Variants in RANBP2 observed in about 807,000 individuals in gnomAD.
RANBP2 encodes the protein RAN binding protein 2.
A neutral mutation model predicts 303.6 loss-of-function variants in RANBP2; 57 were observed. The ratio of observed to expected loss-of-function variants is 0.19; its 90% CI spans 0.15 to 0.23. The LOEUF is 0.23. RANBP2 is among the 10% of genes least tolerant of loss of function. The probability of loss-of-function intolerance (pLI) is 1.00; values close to 1 mark genes in which losing one functional copy is unlikely to be tolerated. For synonymous variants in RANBP2, 1,167 were observed against 1,301.5 expected, an observed-to-expected ratio of 0.90 and a Z score of 2.23; for missense variants, 3,138 against 3,780.8, an observed-to-expected ratio of 0.83 and a Z score of 4.46.
intron 6 of RANBP2, among the ~76,000 whole-genome samples, chr2:108,739,998 AAGGC>A (rs1389434165): frequency 2.0e-5 from 3 of 152,204 alleles, no homozygotes; most frequent in Non-Finnish European, 4.4e-5. Context: ...AAAAAAAAAA[AAGGC>A]AGACTATTTT....
At chr2:108,923,338 C>T in the RANBP2 span, 1 of 1,605,206 alleles carries the variant, frequency 6.2e-7, no homozygotes, top group South Asian at 1.1e-5. Flanking sequence ...TGAACAAATA[C>T]CGTGCTGGTG....
the RANBP2 span, among the ~76,000 whole-genome samples, chr2:108,914,023 G>A: frequency 6.6e-6 from 1 of 151,816 alleles, no homozygotes; most frequent in Non-Finnish European, 1.5e-5. Flanking sequence ...CACTTTGGGA[G>A]GCCAAGGTGG....
At chr2:109,025,995 A>C in the RANBP2 span, among the ~76,000 whole-genome samples, 1 of 152,072 alleles carries the variant, frequency 6.6e-6, no homozygotes, top group Non-Finnish European at 1.5e-5. Flanking sequence ...ATCCTCACCA[A>C]GGCCTGCCCT....
At chr2:108,965,175 A>G in the RANBP2 span, among the ~76,000 whole-genome samples, 4 of 152,110 alleles carry the variant, frequency 2.6e-5, no homozygotes, top group Admixed American at 6.5e-5. Context: ...TCATGATTAT[A>G]TCTTTTAATG....
chr2:109,343,215 T>C, the RANBP2 span, among the ~76,000 whole-genome samples: 1 of 152,172 alleles, frequency 6.6e-6, no homozygotes, highest in Admixed American at 6.5e-5. Context: ...GCCCCTTCCA[T>C]GGACTAATTA....
the RANBP2 span, among the ~76,000 whole-genome samples, chr2:109,660,209 G>T: frequency 1.3e-5 from 2 of 152,236 alleles, no homozygotes; most frequent in Middle Eastern, 3.4e-3. Flanking sequence ...GTTGGGCCAA[G>T]TCTTCATGTA....
the RANBP2 span, among the ~76,000 whole-genome samples, chr2:109,767,235 G>T: frequency 6.8e-6 from 1 of 147,030 alleles, no homozygotes; most frequent in African/African-American, 2.5e-5. Flanking sequence ...GCCGCATAAG[G>T]TCAGATTCAG....
chr2:108,923,261 G>C, the RANBP2 span: 1 of 1,097,186 alleles, frequency 9.1e-7, no homozygotes, highest in Non-Finnish European at 1.4e-6. Context: ...CTGTTACTGT[G>C]ATTCACCTTG....
At chr2:108,828,935 G>A in the RANBP2 span, among the ~76,000 whole-genome samples, 15 of 152,122 alleles carry the variant, frequency 9.9e-5, no homozygotes, top group Admixed American at 2.6e-4. Flanking sequence ...CCGAGATCAC[G>A]CCATTGCACT....
chr2:109,483,602 C>A, the RANBP2 span, among the ~76,000 whole-genome samples: 1,478 of 152,334 alleles, frequency 9.7e-3, 8 homozygotes, highest in Non-Finnish European at 0.016. Context: ...GGCCAAAATA[C>A]TGTTATTCAA....
At chr2:109,352,790 C>G in the RANBP2 span, among the ~76,000 whole-genome samples, 1 of 152,236 alleles carries the variant, frequency 6.6e-6, no homozygotes, top group Non-Finnish European at 1.5e-5. Flanking sequence ...TCGCAGGGCA[C>G]GGGGCAGAGG....
At chr2:109,468,235 T>C in the RANBP2 span, among the ~76,000 whole-genome samples, 1 of 152,170 alleles carries the variant, frequency 6.6e-6, no homozygotes, top group Non-Finnish European at 1.5e-5. Flanking sequence ...GCTCCTAGGC[T>C]AAAACCTGCA....
the RANBP2 span, among the ~76,000 whole-genome samples, chr2:108,974,852 C>T: frequency 6.6e-6 from 1 of 152,204 alleles, no homozygotes; most frequent in African/African-American, 2.4e-5. Context: ...TCCCACCACC[C>T]CGAGCTGCCT....
the RANBP2 span, among the ~76,000 whole-genome samples, chr2:109,178,016 C>A: frequency 6.6e-6 from 1 of 152,188 alleles, no homozygotes; most frequent in Non-Finnish European, 1.5e-5. Context: ...GGGCCTAAAT[C>A]TTTTCTCCCA....
the RANBP2 span, among the ~76,000 whole-genome samples, chr2:109,623,843 G>A: frequency 6.6e-6 from 1 of 152,220 alleles, no homozygotes; most frequent in Non-Finnish European, 1.5e-5. Flanking sequence ...AGGTTGGTAG[G>A]TTTGGGGTGG....
the RANBP2 span, among the ~76,000 whole-genome samples, chr2:109,289,895 T>C: frequency 2.0e-5 from 3 of 152,250 alleles, no homozygotes; most frequent in Non-Finnish European, 4.4e-5. Flanking sequence ...AGAGGATTGC[T>C]GAGGTTCCTT....
At chr2:109,458,110 C>T in the RANBP2 span, among the ~76,000 whole-genome samples, 1 of 152,174 alleles carries the variant, frequency 6.6e-6, no homozygotes, top group African/African-American at 2.4e-5. Flanking sequence ...GGCTTCATAC[C>T]ATCATCTCCC....
chr2:108,719,936 G>A (rs1413548309), intron 1 of RANBP2, among the ~76,000 whole-genome samples: 1 of 151,306 alleles, frequency 6.6e-6, no homozygotes, highest in Non-Finnish European at 1.5e-5. Context: ...TCCCGACGGT[G>A]CTCGCTCCTG....
chr2:108,950,669 G>A, the RANBP2 span, among the ~76,000 whole-genome samples: 1 of 152,190 alleles, frequency 6.6e-6, no homozygotes, highest in African/African-American at 2.4e-5. Flanking sequence ...CTCTGTTGGA[G>A]CTGCCCTCAG....
Sources: allele counts gnomAD v4.1 joint callset (sites outside exome capture counted in the v4.1 genomes callset), GRCh38; gene constraint gnomAD v4.1.1; transcripts MANE v1.5; gene names NCBI Gene and HGNC (gene_info 2026-07-23, HGNC 2026-07-21).